STOX2: variants seen among roughly 807,000 people sequenced by gnomAD.
STOX2 encodes storkhead-box protein 2.
Under a neutral mutation model 60.9 loss-of-function variants are expected in STOX2, and 28 were observed. The ratio of observed to expected loss-of-function variants is 0.46; its 90% CI spans 0.34 to 0.63. The LOEUF (loss-of-function observed/expected upper bound fraction) is 0.63, where lower values mean the gene tolerates loss of function less well. Ranked by LOEUF, STOX2 falls within the 30% of genes least tolerant of loss-of-function variation. The pLI, the probability that STOX2 is intolerant of heterozygous loss-of-function variation, is 0.01. For synonymous variants in STOX2, 472 were observed against 463.9 expected, an observed-to-expected ratio of 1.02 and a Z score of -0.22; for missense variants, 1,024 against 1,187.7, an observed-to-expected ratio of 0.86 and a Z score of 2.03.
At chr4:183,918,595 C>A (rs1741998859) in intron 1 of STOX2, among the ~76,000 whole-genome samples, 1 of 152,240 alleles carries the variant, frequency 6.6e-6, no homozygotes, top group South Asian at 2.1e-4. Flanking sequence ...GGACATCTTT[C>A]AAGGCCAGTT....
chr4:183,819,390 C>G (rs577150017), intron 1 of STOX2, among the ~76,000 whole-genome samples: 1 of 151,924 alleles, frequency 6.6e-6, no homozygotes, highest in Non-Finnish European at 1.5e-5. Context: ...CAAAAAAATA[C>G]GAAAACCAGT....
intron 1 of STOX2, chr4:183,987,948 G>C (rs1294963547): frequency 6.6e-6 from 1 of 152,162 alleles, no homozygotes; most frequent in Non-Finnish European, 1.5e-5. Context: ...TATGACGCCA[G>C]ATCAATTTTA....
intron 1 of STOX2, among the ~76,000 whole-genome samples, chr4:183,935,030 A>G (rs1435437): frequency 0.12 from 18,202 of 152,346 alleles, 1,359 homozygotes; most frequent in South Asian, 0.19. Flanking sequence ...TTTCAAACAA[A>G]GCAAAGTTCA....
At chr4:183,936,470 C>T (rs1214916897) in intron 1 of STOX2, among the ~76,000 whole-genome samples, 1 of 149,456 alleles carries the variant, frequency 6.7e-6, no homozygotes, top group Non-Finnish European at 1.5e-5. Flanking sequence ...GTATCTTTTA[C>T]TTTATTGTAA....
chr4:184,011,701 T>C lies in STOX2; in HGVS notation c.2585+278T>C. 1 of 1,246,946 alleles carries C rather than the reference T, an allele frequency of 8.0e-7. No individual in the cohort carries two copies. The highest frequency in any genetic ancestry group is 1.5e-5 in the African/African-American group (1 of 65,862). The allele number at this position is 1,246,946 out of a possible 1,614,324, so 77.2% of individuals were successfully genotyped here. A position where few individuals can be genotyped will look rare whatever the true frequency, so the allele number is the denominator to read the frequency against. On this transcript the variant is annotated intron_variant, in intron 3 of 3. Transcript: ENST00000308497. This position sits in a 1 kb window ranked among gnomAD's most constrained non-coding sequence, Gnocchi z 4.4. ...TAACTAAAACCAATATTTCCAGTAT[T>C]TTTTCTGCTACGTTCATATTGCCAC...
At chr4:183,982,498 T>A (rs186239718) in intron 1 of STOX2, among the ~76,000 whole-genome samples, 129 of 152,344 alleles carry the variant, frequency 8.5e-4, no homozygotes, top group African/African-American at 2.7e-3. Context: ...TGTCTTTTTT[T>A]AAAAAAATCA....
rs1734455604 is a variant in STOX2, at chr4:184,018,208, G to T, written c.*924G>T. On this transcript the variant is annotated 3_prime_UTR_variant, in exon 4 of 4. Coordinates refer to ENST00000308497, the MANE Select transcript of STOX2 (RefSeq NM_020225.3). Reference sequence around the variant, plus strand: ...CTTACTCTAATAGATACAATAATTAGTTTGTTTAAAAGCAAAATGTTCTTT... The same window carrying T: ...CTTACTCTAATAGATACAATAATTATTTTGTTTAAAAGCAAAATGTTCTTT... 1 of 152,180 alleles carries T rather than the reference G, an allele frequency of 6.6e-6. No homozygotes were observed. The highest frequency in any genetic ancestry group is 2.4e-5 in the African/African-American group (1 of 41,444). The allele number at this position is 152,180 out of a possible 1,614,324, so 9.4% of individuals were successfully genotyped here.
chr4:183,931,322 G>T (rs1742414794), intron 1 of STOX2, among the ~76,000 whole-genome samples: 2 of 152,060 alleles, frequency 1.3e-5, no homozygotes, highest in South Asian at 4.2e-4. Context: ...TACTTGGGTG[G>T]CTGAGGCGGG....
intron 1 of STOX2, among the ~76,000 whole-genome samples, chr4:183,813,992 T>A (rs1739096293): frequency 6.6e-6 from 1 of 152,168 alleles, no homozygotes; most frequent in East Asian, 1.9e-4. Context: ...TAAGATAATA[T>A]TGCAAAATTT....
intron 1 of STOX2, among the ~76,000 whole-genome samples, chr4:183,918,264 C>A (rs1741988605): frequency 6.6e-6 from 1 of 152,226 alleles, no homozygotes; most frequent in African/African-American, 2.4e-5. Flanking sequence ...CAGAATTATT[C>A]ATTTATCCAA....
intron 1 of STOX2, among the ~76,000 whole-genome samples, chr4:183,977,725 C>T (rs1442549692): frequency 1.3e-5 from 2 of 152,132 alleles, no homozygotes; most frequent in Non-Finnish European, 2.9e-5. Flanking sequence ...ATTGCTGGAT[C>T]AAAGGTAGTT....
intron 1 of STOX2, among the ~76,000 whole-genome samples, chr4:183,913,975 G>A (rs78218923): frequency 0.12 from 18,854 of 152,118 alleles, 1,402 homozygotes; most frequent in East Asian, 0.31. Flanking sequence ...ATGAAATTAT[G>A]GGTTTCTCTC....
intron 1 of STOX2, among the ~76,000 whole-genome samples, chr4:183,969,915 C>T (rs1215380602): frequency 6.6e-6 from 1 of 152,180 alleles, no homozygotes; most frequent in Non-Finnish European, 1.5e-5. Flanking sequence ...AGCCACCACA[C>T]CCTGCCATGG....
rs1739723114 is a variant in STOX2 at position 183,836,838 on chromosome 4, TG to T, written c.364+38785del. On this transcript the variant is annotated intron_variant, in intron 1 of 2. Transcript: ENST00000513034. The surrounding 1 kb of genome is among the most constrained non-coding windows in gnomAD (Gnocchi z 4.1). Reference sequence around the variant, plus strand: ...TCACTTAGGGACACTAAGATTCATCTGGAATATTTGCTTCTAATTTGACTAT... The same window carrying T: ...TCACTTAGGGACACTAAGATTCATCTGAATATTTGCTTCTAATTTGACTAT... Among the ~76,000 whole-genome samples the T allele has an allele frequency of 6.6e-6, 1 of 152,248 alleles. No individual in the cohort carries two copies. The highest frequency in any genetic ancestry group is 1.5e-5 in the Non-Finnish European group (1 of 68,042).
At chr4:183,799,062 C>T (rs1293405292) in intron 1 of STOX2, among the ~76,000 whole-genome samples, 1 of 152,206 alleles carries the variant, frequency 6.6e-6, no homozygotes, top group African/African-American at 2.4e-5. Flanking sequence ...TTTCTCGTTA[C>T]CCGCTGTTGC....
At chr4:183,936,675 T>G (rs778414932) in intron 1 of STOX2, among the ~76,000 whole-genome samples, 1 of 152,210 alleles carries the variant, frequency 6.6e-6, no homozygotes, top group Non-Finnish European at 1.5e-5. Context: ...AAGAAGCTTA[T>G]TTAAAGGAGA....
chr4:183,884,974 G>A (rs916513921), intron 1 of STOX2, among the ~76,000 whole-genome samples: 13 of 152,164 alleles, frequency 8.5e-5, no homozygotes, highest in African/African-American at 2.9e-4. Flanking sequence ...CCTGGGCGTC[G>A]CGTCCCCGTC....
intron 1 of STOX2, among the ~76,000 whole-genome samples, chr4:183,868,638 G>A (rs1740625130): frequency 6.6e-6 from 1 of 152,198 alleles, no homozygotes; most frequent in African/African-American, 2.4e-5. Context: ...TAATATAGCA[G>A]CACTGTGACC....
intron 1 of STOX2, among the ~76,000 whole-genome samples, chr4:183,838,832 C>T (rs1739778364): frequency 6.6e-6 from 1 of 152,190 alleles, no homozygotes; most frequent in Non-Finnish European, 1.5e-5. Flanking sequence ...CCTCCACCTC[C>T]TCCACGTGGT....
Sources: gnomAD v4.1 joint callset for allele counts (sites outside exome capture counted in the v4.1 genomes callset) on GRCh38, gnomAD v4.1.1 for gene constraint, Gnocchi (gnomAD v3.1) non-coding constraint, MANE v1.5 for transcripts, NCBI Gene and HGNC (gene_info 2026-07-23, HGNC 2026-07-21) for gene names.